The following NELL1 variants were observed in gnomAD, a reference collection of about 807,000 sequenced individuals.
NELL1 encodes the protein neural EGFL like 1, also known as protein kinase C-binding protein NELL1.
In NELL1, 76 loss-of-function variants were observed where a neutral mutation model predicts 107.4. The observed-to-expected ratio is 0.71, with a 90% CI of 0.59 to 0.86. NELL1 has a LOEUF of 0.86. NELL1 is among the 40% of genes least tolerant of loss of function. The probability of loss-of-function intolerance (pLI) is 0.00; values close to 1 mark genes in which losing one functional copy is unlikely to be tolerated. For synonymous variants in NELL1, 353 were observed against 341.2 expected, an observed-to-expected ratio of 1.03 and a Z score of -0.38; for missense variants, 1,024 against 1,005.5, an observed-to-expected ratio of 1.02 and a Z score of -0.25.
At chr11:21,508,813 A>C (rs941882633) in intron 15 of NELL1, among the ~76,000 whole-genome samples, 1 of 152,050 alleles carries the variant, frequency 6.6e-6, no homozygotes, top group African/African-American at 2.4e-5. Context: ...AAAATGTTAG[A>C]TATAGGACTT....
At chr11:20,885,367 A>G in intron 4 of NELL1, 77 bp from the exon 5 acceptor site, 1 of 870,670 alleles carries the variant, frequency 1.1e-6, no homozygotes, top group Non-Finnish European at 2.0e-6. Flanking sequence ...AATGGCATGC[A>G]TACTTCAAAC....
intron 12 of NELL1, among the ~76,000 whole-genome samples, chr11:21,109,120 G>C (rs1019625191): frequency 6.6e-6 from 1 of 152,122 alleles, no homozygotes; most frequent in Non-Finnish European, 1.5e-5. Flanking sequence ...CCTCAGTTTC[G>C]TGGCATGGAG....
intron 15 of NELL1, among the ~76,000 whole-genome samples, chr11:21,450,107 G>C (rs1271859922): frequency 6.6e-6 from 1 of 152,028 alleles, no homozygotes; most frequent in Non-Finnish European, 1.5e-5. Flanking sequence ...GCAGCTTTAG[G>C]TTACTTCTGA....
At chr11:21,463,158 AGATTAGCAATATGCCAAAAGAG>A (rs372035942) in intron 15 of NELL1, among the ~76,000 whole-genome samples, 9 of 152,144 alleles carry the variant, frequency 5.9e-5, no homozygotes, top group African/African-American at 2.2e-4. Context: ...TGGTGAGACT[AGATTAGCAATATGCCAAAAGAG>A]GAAAATCTGT....
chr11:21,476,867 T>G (rs1441768525), intron 15 of NELL1, among the ~76,000 whole-genome samples: 1 of 152,106 alleles, frequency 6.6e-6, no homozygotes, highest in Non-Finnish European at 1.5e-5. Context: ...CAGGCAACAC[T>G]AGGCAGAACA....
At chr11:20,796,082 C>T (rs1857163675) in intron 3 of NELL1, among the ~76,000 whole-genome samples, 1 of 152,120 alleles carries the variant, frequency 6.6e-6, no homozygotes, top group African/African-American at 2.4e-5. Flanking sequence ...CATTTTTCTT[C>T]CTGTCCTCAT....
At chr11:20,739,005 C>T (rs535750405) in intron 2 of NELL1, among the ~76,000 whole-genome samples, 6 of 152,218 alleles carry the variant, frequency 3.9e-5, no homozygotes, top group Admixed American at 1.3e-4. Context: ...ATATAATTGC[C>T]GCAAGCTACA....
At chr11:21,542,723 G>A (rs1359366212) in intron 16 of NELL1, among the ~76,000 whole-genome samples, 2 of 151,870 alleles carry the variant, frequency 1.3e-5, no homozygotes, top group Non-Finnish European at 2.9e-5. Context: ...GAAAATGATC[G>A]GCAGATTTTT....
intron 14 of NELL1, among the ~76,000 whole-genome samples, chr11:21,358,390 G>GT (rs921858564): frequency 1.1e-4 from 16 of 150,838 alleles, no homozygotes; most frequent in Admixed American, 2.0e-4. Flanking sequence ...TATTTGTAAG[G>GT]TTTTTTTTGT....
intron 14 of NELL1, among the ~76,000 whole-genome samples, chr11:21,301,453 G>C (rs1305590329): frequency 4.0e-5 from 6 of 151,040 alleles, no homozygotes; most frequent in Admixed American, 2.6e-4. Context: ...GGCATGCAAT[G>C]GTATCTCATT....
chr11:21,560,113 C>A, intron 16 of NELL1, 76 bp from the exon 17 acceptor site: 2 of 1,346,570 alleles, frequency 1.5e-6, no homozygotes, highest in Non-Finnish European at 2.1e-6. Flanking sequence ...TTAGTTAATG[C>A]TACTGCAAAT....
intron 12 of NELL1, among the ~76,000 whole-genome samples, chr11:21,065,680 G>C (rs1182168798): frequency 6.6e-6 from 1 of 152,158 alleles, no homozygotes; most frequent in Non-Finnish European, 1.5e-5. Context: ...AGGGGACACT[G>C]CTCATTTTAA....
chr11:21,291,662 G>A (rs1440909250), intron 14 of NELL1, among the ~76,000 whole-genome samples: 1 of 152,072 alleles, frequency 6.6e-6, no homozygotes. Context: ...ATGAACATCA[G>A]TGCAGAAATC....
intron 2 of NELL1, among the ~76,000 whole-genome samples, chr11:20,751,269 G>A (rs1856132294): frequency 6.6e-6 from 1 of 151,428 alleles, no homozygotes; most frequent in Admixed American, 6.6e-5. Context: ...AAATTTTGCT[G>A]GTATTTTGAT....
intron 14 of NELL1, among the ~76,000 whole-genome samples, chr11:21,248,571 T>C (rs1858555124): frequency 6.6e-6 from 1 of 152,034 alleles, no homozygotes; most frequent in Admixed American, 6.6e-5. Context: ...CTGTAGAAAC[T>C]GGATTACAGA....
At chr11:21,049,842 T>G (rs1017268592) in intron 12 of NELL1, among the ~76,000 whole-genome samples, 1 of 152,136 alleles carries the variant, frequency 6.6e-6, no homozygotes, top group Admixed American at 6.5e-5. Flanking sequence ...CACTCCTGGC[T>G]AATTTTTGTA....
At chr11:21,470,660 A>G (rs1854154145) in intron 15 of NELL1, among the ~76,000 whole-genome samples, 1 of 152,076 alleles carries the variant, frequency 6.6e-6, no homozygotes, top group African/African-American at 2.4e-5. Context: ...TCTCTCCTGT[A>G]TTAAGCTGTG....
Position 20,928,449 on chromosome 11 carries a change from A to G in NELL1, c.967A>G (p.Ile323Val), listed in dbSNP as rs754337857. 6.8e-6 allele frequency: 11 copies of G among 1,613,918 alleles called. No individual in the cohort carries two copies. Among genetic ancestry groups the G allele is most frequent in the East Asian group, 2.2e-5 (1 of 44,844 alleles). ...CTCCCCAGACTCCCTCCCAGTGCAC[A>G]TTGCTGGCCAGTGCTGTAAGGTCTG... ...NCSPDSLPVH[I>V]AGQCCKVCRP... Residue 323 changes from isoleucine to valine, a missense_variant, in exon 9 of 20, where the codon ATT (isoleucine) becomes GTT (valine). Ile to Val is a conservative substitution (Grantham distance 29). Coordinates refer to ENST00000357134, the MANE Select transcript of NELL1 (RefSeq NM_006157.5).
At chr11:21,367,754 A>G (rs1449492500) in intron 14 of NELL1, among the ~76,000 whole-genome samples, 2 of 152,098 alleles carry the variant, frequency 1.3e-5, no homozygotes, top group Non-Finnish European at 2.9e-5. Context: ...AAACTGAGGC[A>G]CAGAGGAGTG....
Sources: gnomAD v4.1 joint callset for allele counts (sites outside exome capture counted in the v4.1 genomes callset) on GRCh38, gnomAD v4.1.1 for gene constraint, MANE v1.5 for transcripts, NCBI Gene and HGNC (gene_info 2026-07-23, HGNC 2026-07-21) for gene names.